Variants in CACNA1C observed in about 807,000 individuals in gnomAD.
CACNA1C encodes the protein calcium voltage-gated channel subunit alpha1 C.
Under a neutral mutation model 229.0 loss-of-function variants are expected in CACNA1C, and 30 were observed. The observed-to-expected ratio is 0.13, with a 90% confidence interval of 0.10 to 0.18. The LOEUF (loss-of-function observed/expected upper bound fraction) is 0.18, where lower values mean the gene tolerates loss of function less well. Ranked by LOEUF, CACNA1C falls within the 10% of genes least tolerant of loss-of-function variation. The probability of loss-of-function intolerance (pLI) is 1.00; values close to 1 mark genes in which losing one functional copy is unlikely to be tolerated. For missense variants in CACNA1C, 1,658 were observed against 2,845.0 expected (o/e 0.58, Z 9.49); for synonymous variants, 1,114 against 1,132.5 (o/e 0.98, Z 0.33).
At chr12:2,586,599 A>G (rs1017063245) in intron 18 of CACNA1C, among the ~76,000 whole-genome samples, 3 of 152,226 alleles carry the variant, frequency 2.0e-5, no homozygotes, top group Admixed American at 6.5e-5. Flanking sequence ...CTTGAAGTCA[A>G]TAACATGCTA....
chr12:2,280,110 G>C (rs572103142), intron 3 of CACNA1C, among the ~76,000 whole-genome samples: 4 of 151,960 alleles, frequency 2.6e-5, no homozygotes, highest in African/African-American at 9.7e-5. Flanking sequence ...CCAATTTGCT[G>C]TTGATGCCTT....
chr12:2,170,537 A>T (rs2096434091), intron 3 of CACNA1C, among the ~76,000 whole-genome samples: 1 of 152,262 alleles, frequency 6.6e-6, no homozygotes, highest in African/African-American at 2.4e-5. Flanking sequence ...CAAGAAGATC[A>T]AAATAATTAG....
intron 3 of CACNA1C, among the ~76,000 whole-genome samples, chr12:2,394,728 G>A (rs1211530113): frequency 1.3e-5 from 2 of 152,158 alleles, no homozygotes; most frequent in African/African-American, 4.8e-5. Context: ...GTCAGGAAGA[G>A]TCTTCCTTAT....
intron 3 of CACNA1C, among the ~76,000 whole-genome samples, chr12:2,174,688 A>G (rs935828007): frequency 6.6e-6 from 1 of 152,216 alleles, no homozygotes; most frequent in African/African-American, 2.4e-5. Context: ...CTGCACATAA[A>G]TTTTGACTCC....
intron 3 of CACNA1C, among the ~76,000 whole-genome samples, chr12:2,231,899 C>G (rs976027806): frequency 6.6e-6 from 1 of 152,136 alleles, no homozygotes; most frequent in Admixed American, 6.5e-5. Context: ...TATAAACACA[C>G]TGCTTAGTTT....
At chr12:2,170,435 C>T (rs899212730) in intron 3 of CACNA1C, among the ~76,000 whole-genome samples, 1 of 152,214 alleles carries the variant, frequency 6.6e-6, no homozygotes, top group Non-Finnish European at 1.5e-5. Flanking sequence ...GGCTGTCCCA[C>T]CACTTCATGC....
intron 3 of CACNA1C, among the ~76,000 whole-genome samples, chr12:2,394,314 T>C (rs943069182): frequency 1.3e-5 from 2 of 152,138 alleles, no homozygotes; most frequent in Non-Finnish European, 2.9e-5. Flanking sequence ...GACACAGCCA[T>C]GATAAACGCA....
intron 9 of CACNA1C, among the ~76,000 whole-genome samples, chr12:2,545,558 G>A (rs1156598069): frequency 3.3e-5 from 5 of 152,068 alleles, no homozygotes; most frequent in African/African-American, 4.8e-5. Context: ...CAAATCGCTC[G>A]AATTTGCTCT....
chr12:2,219,977 G>A (rs891961437), intron 3 of CACNA1C, among the ~76,000 whole-genome samples: 9 of 152,160 alleles, frequency 5.9e-5, no homozygotes, highest in African/African-American at 9.7e-5. Flanking sequence ...TTTGTCATGA[G>A]AACCCAAGCT....
intron 29 of CACNA1C, among the ~76,000 whole-genome samples, chr12:2,624,300 G>A (rs112465972): frequency 1.9e-3 from 284 of 152,306 alleles, no homozygotes; most frequent in African/African-American, 6.5e-3. Context: ...GTCCCACAAC[G>A]TGTGAGAGGG....
intron 3 of CACNA1C, among the ~76,000 whole-genome samples, chr12:2,446,364 GTGGGTGGATGGATGGATGGATGGA>G (rs1017186921): frequency 2.8e-5 from 4 of 143,460 alleles, no homozygotes; most frequent in Non-Finnish European, 4.6e-5. Flanking sequence ...ATGTGTGTGG[GTGGGTGGATGGATGGATGGATGGA>G]TGGGTGGATG....
chr12:2,622,375 G>A (rs759860769), intron 29 of CACNA1C, among the ~76,000 whole-genome samples: 1 of 152,156 alleles, frequency 6.6e-6, no homozygotes, highest in Non-Finnish European at 1.5e-5. Flanking sequence ...TGCATAATCT[G>A]ATCTGGGGTC....
At chr12:2,238,071 A>C (rs1051208929) in intron 3 of CACNA1C, among the ~76,000 whole-genome samples, 2 of 152,230 alleles carry the variant, frequency 1.3e-5, no homozygotes, top group African/African-American at 4.8e-5. Context: ...CACGGGTGGC[A>C]GAGACTCTTT....
At chr12:1,972,996 T>C (rs151273680) in intron 1 of CACNA1C, among the ~76,000 whole-genome samples, 62 of 152,362 alleles carry the variant, frequency 4.1e-4, no homozygotes, top group African/African-American at 1.4e-3. Context: ...GCCGGCTCTG[T>C]GCGGATTCTG....
intron 1 of CACNA1C, among the ~76,000 whole-genome samples, chr12:2,102,110 A>T (rs936537139): frequency 1.3e-5 from 2 of 152,252 alleles, no homozygotes; most frequent in Admixed American, 1.3e-4. Context: ...CCTGTTGGGA[A>T]CAAGAAACAC....
At chr12:2,033,393 G>C (rs922739416) in intron 1 of CACNA1C, among the ~76,000 whole-genome samples, 2 of 152,166 alleles carry the variant, frequency 1.3e-5, no homozygotes, top group Non-Finnish European at 2.9e-5. Context: ...CTGGAACCCA[G>C]GACATGGATC....
At chr12:2,345,949 C>G (rs2097001751) in intron 3 of CACNA1C, among the ~76,000 whole-genome samples, 1 of 152,206 alleles carries the variant, frequency 6.6e-6, no homozygotes, top group Non-Finnish European at 1.5e-5. Context: ...TCCTCAGGAC[C>G]CTGCCTGGCT....
At chr12:2,106,675 G>T (rs71435032) in intron 1 of CACNA1C, among the ~76,000 whole-genome samples, 1 of 26,124 alleles carries the variant, frequency 3.8e-5, no homozygotes. Flanking sequence ...CAGCTGGGGC[G>T]TCCTGAAGCC....
chr12:2,219,611 C>T (rs2060915397), intron 3 of CACNA1C, among the ~76,000 whole-genome samples: 2 of 152,166 alleles, frequency 1.3e-5, no homozygotes, highest in African/African-American at 4.8e-5. Flanking sequence ...CTGTTAGACC[C>T]TCAGAGGAAG....
Sources: gnomAD v4.1 joint callset for allele counts (sites outside exome capture counted in the v4.1 genomes callset) on GRCh38, gnomAD v4.1.1 for gene constraint, MANE v1.5 for transcripts, NCBI Gene and HGNC (gene_info 2026-07-23, HGNC 2026-07-21) for gene names.